PLEKHA5: variants seen among roughly 807,000 people sequenced by gnomAD.
PLEKHA5 encodes the protein pleckstrin homology domain-containing family A member 5.
In PLEKHA5, 55 loss-of-function variants were observed where a neutral mutation model predicts 181.9. The ratio of observed to expected loss-of-function variants is 0.30; its 90% confidence interval spans 0.24 to 0.38. PLEKHA5 has a LOEUF of 0.38. PLEKHA5 is among the 10% of genes least tolerant of loss of function. The probability of loss-of-function intolerance (pLI) is 1.00; values close to 1 mark genes in which losing one functional copy is unlikely to be tolerated. For synonymous variants in PLEKHA5, 535 were observed against 529.4 expected, an observed-to-expected ratio of 1.01 and a Z score of -0.15; for missense variants, 1,432 against 1,549.5, an observed-to-expected ratio of 0.92 and a Z score of 1.27.
rs199524525 is a variant in PLEKHA5 at position 19,240,440 on chromosome 12, G to GT, written c.228-13481dup. Among the ~76,000 whole-genome samples the GT allele has an allele frequency of 1.0e-2, 1,289 of 129,022 alleles. 18 individuals carry two copies. The highest frequency in any genetic ancestry group is 0.025 in the South Asian group (101 of 3,976). 84.6% of individuals were successfully genotyped at this position (129,022 alleles called of 152,430 possible). On this transcript the variant is annotated intron_variant, in intron 3 of 31. Coordinates refer to ENST00000429027, the MANE Select transcript of PLEKHA5 (RefSeq NM_001256470.2). ...ATTACAAATTAGCATTCATTAGGGA[G>GT]TTTTTTTTTTTTTTTTTTTAAAGAC...
At chr12:19,298,261 G>C (rs941592923) in intron 15 of PLEKHA5, among the ~76,000 whole-genome samples, 2 of 152,178 alleles carry the variant, frequency 1.3e-5, no homozygotes, top group African/African-American at 4.8e-5. Context: ...AGCAGGATAT[G>C]AAATAATAAT....
chr12:19,246,224 C>T (rs955342197), intron 3 of PLEKHA5, among the ~76,000 whole-genome samples: 44 of 151,932 alleles, frequency 2.9e-4, no homozygotes, highest in African/African-American at 7.2e-4. Context: ...GTGATCCACC[C>T]GCCTTGGCCT....
chr12:19,195,558 T>C (rs1377377016), intron 3 of PLEKHA5, among the ~76,000 whole-genome samples: 1 of 150,920 alleles, frequency 6.6e-6, no homozygotes, highest in Non-Finnish European at 1.5e-5. Context: ...TAGTCTCAGC[T>C]ACTCTGAGGG....
chr12:19,271,533 T>C (rs1387982567), intron 10 of PLEKHA5, among the ~76,000 whole-genome samples: 1 of 152,104 alleles, frequency 6.6e-6, no homozygotes, highest in Non-Finnish European at 1.5e-5. Context: ...TTCAATACTT[T>C]TAACTTCAAA....
chr12:19,238,651 T>C (rs1346146601), intron 3 of PLEKHA5, among the ~76,000 whole-genome samples: 1 of 152,148 alleles, frequency 6.6e-6, no homozygotes, highest in African/African-American at 2.4e-5. Flanking sequence ...GTTACTGTGG[T>C]GATGATGAAT....
intron 10 of PLEKHA5, among the ~76,000 whole-genome samples, chr12:19,273,072 A>AT (rs542984902): frequency 6.0e-5 from 9 of 150,302 alleles, no homozygotes; most frequent in East Asian, 5.9e-4. Flanking sequence ...AAGCCAGCTA[A>AT]TTTTTTTTTT....
chr12:19,350,679 G>A (rs960226693), intron 25 of PLEKHA5, among the ~76,000 whole-genome samples: 2 of 152,000 alleles, frequency 1.3e-5, no homozygotes, highest in African/African-American at 4.8e-5. Context: ...AGAGGCAGGA[G>A]AATCACTTGA....
intron 3 of PLEKHA5, among the ~76,000 whole-genome samples, chr12:19,160,986 A>G (rs759287268): frequency 6.6e-6 from 1 of 152,166 alleles, no homozygotes; most frequent in African/African-American, 2.4e-5. Flanking sequence ...TTTTGTTTTC[A>G]TTTTAATCAA....
At chr12:19,276,001 G>A (rs142216397) in intron 11 of PLEKHA5, among the ~76,000 whole-genome samples, 209 of 152,304 alleles carry the variant, frequency 1.4e-3, no homozygotes, top group African/African-American at 4.9e-3. Flanking sequence ...GGTGCTGTAG[G>A]AACACATTTC....
At chr12:19,241,430 A>C (rs1460897728) in intron 3 of PLEKHA5, among the ~76,000 whole-genome samples, 3 of 152,206 alleles carry the variant, frequency 2.0e-5, no homozygotes, top group Non-Finnish European at 2.9e-5. Context: ...CACGATAAAT[A>C]CATACTGTCT....
rs773109270 is a variant in PLEKHA5 at position 19,283,535 on chromosome 12, C to A, written c.1569C>A (p.Thr523=). The change falls in exon 12 of 32, where the codon ACC becomes ACA. Residue 523 remains threonine, a synonymous_variant. Transcript: ENST00000429027. ...GTCAGTTTTATAACAAACAGAGCAC[C>A]CTCCCTCGACACAGTACTTTGAGTA... ...QQRQFYNKQS[T]LPRHSTLSSP... 76 of 1,614,002 alleles carry A rather than the reference C, an allele frequency of 4.7e-5. No homozygotes were observed. Among genetic ancestry groups the A allele is most frequent in the Non-Finnish European group, 5.2e-5 (61 of 1,179,992 alleles).
At position 19,227,241 on chromosome 12, in the gene PLEKHA5, A is replaced by G. The variant is rs962449309; in HGVS notation, c.228-26699A>G. 9.3e-5 allele frequency among the ~76,000 whole-genome samples: 14 copies of G among 150,270 alleles called. 1 individual carries two copies. Among genetic ancestry groups the G allele is most frequent in the Admixed American group, 5.3e-4 (8 of 15,134 alleles). ...AAATTGCTATCCACTCTTCCTTCCAACTTTCTTCCTATTGGAAAGAATCCC... is the reference window on the plus strand; with the variant it reads ...AAATTGCTATCCACTCTTCCTTCCAGCTTTCTTCCTATTGGAAAGAATCCC... On this transcript the variant is annotated intron_variant, in intron 3 of 31. Coordinates refer to ENST00000429027, the MANE Select transcript of PLEKHA5 (RefSeq NM_001256470.2).
intron 3 of PLEKHA5, among the ~76,000 whole-genome samples, chr12:19,161,508 C>T (rs1353986186): frequency 6.6e-6 from 1 of 152,186 alleles, no homozygotes; most frequent in African/African-American, 2.4e-5. Context: ...CTCTCCCACC[C>T]CATCTCCGTG....
intron 2 of PLEKHA5, 108 bp from the exon 3 acceptor site, chr12:19,132,285 T>A (rs769287366): frequency 4.5e-6 from 3 of 671,626 alleles, no homozygotes; most frequent in Non-Finnish European, 7.8e-6. Flanking sequence ...TTGTTAGTAA[T>A]CTACTTAATT....
intron 3 of PLEKHA5, among the ~76,000 whole-genome samples, chr12:19,177,109 A>G (rs2047481253): frequency 6.6e-6 from 1 of 151,896 alleles, no homozygotes; most frequent in Non-Finnish European, 1.5e-5. Context: ...CTCGTGATCT[A>G]CCCATCTTGG....
At chr12:19,211,989 T>C (rs1311689305) in intron 3 of PLEKHA5, among the ~76,000 whole-genome samples, 1 of 152,222 alleles carries the variant, frequency 6.6e-6, no homozygotes, top group East Asian at 1.9e-4. Flanking sequence ...CTTGGTGGTG[T>C]GAACTTCAGC....
intron 8 of PLEKHA5, among the ~76,000 whole-genome samples, chr12:19,268,555 T>C (rs2071376547): frequency 6.6e-6 from 1 of 152,236 alleles, no homozygotes; most frequent in South Asian, 2.1e-4. Context: ...TTTGCTGACA[T>C]TGTTGCAAAT....
At chr12:19,156,038 G>T (rs1433454263) in intron 3 of PLEKHA5, among the ~76,000 whole-genome samples, 3 of 152,220 alleles carry the variant, frequency 2.0e-5, no homozygotes, top group Non-Finnish European at 2.9e-5. Flanking sequence ...CTTTTTGAGA[G>T]AATTATTTGT....
At chr12:19,363,194 G>T (rs1217067049) in intron 29 of PLEKHA5, among the ~76,000 whole-genome samples, 3 of 151,346 alleles carry the variant, frequency 2.0e-5, no homozygotes, top group African/African-American at 4.8e-5. Context: ...GAGTGCAATG[G>T]CGCAATCTTG....
Sources: gnomAD v4.1 joint callset for allele counts (sites outside exome capture counted in the v4.1 genomes callset) on GRCh38, gnomAD v4.1.1 for gene constraint, MANE v1.5 for transcripts, NCBI Gene and HGNC (gene_info 2026-07-23, HGNC 2026-07-21) for gene names.